Variants in ADIPOR2 observed in about 807,000 individuals in gnomAD.
ADIPOR2 encodes the protein adiponectin receptor protein 2.
A neutral mutation model predicts 40.9 loss-of-function variants in ADIPOR2; 18 were observed. The observed-to-expected ratio is 0.44, with a 90% CI of 0.30 to 0.65. The LOEUF is 0.65. Among genes scored for constraint, ADIPOR2 ranks in the 30% least tolerant of loss-of-function variants. ADIPOR2 has a pLI of 0.09. For missense variants in ADIPOR2, 283 were observed against 479.2 expected (o/e 0.59, Z 3.82); for synonymous variants, 165 against 166.4 (o/e 0.99, Z 0.06).
At chr12:1,722,620 A>G (rs2094700027) in intron 1 of ADIPOR2, among the ~76,000 whole-genome samples, 1 of 152,232 alleles carries the variant, frequency 6.6e-6, no homozygotes, top group African/African-American at 2.4e-5. Context: ...ATAGACTCCT[A>G]AGAAATTTTC....
chr12:1,750,874 T>C (rs2094767653), intron 1 of ADIPOR2, among the ~76,000 whole-genome samples: 1 of 152,182 alleles, frequency 6.6e-6, no homozygotes, highest in African/African-American at 2.4e-5. Flanking sequence ...AGTCATATAA[T>C]CTGCAAATAG....
chr12:1,710,792 G>T (rs544178418), intron 1 of ADIPOR2, among the ~76,000 whole-genome samples: 1 of 152,096 alleles, frequency 6.6e-6, no homozygotes, highest in South Asian at 2.1e-4. Flanking sequence ...TCAGTGGGTC[G>T]GTCCAGGGGT....
At chr12:1,752,004 T>A (rs1592611449) in intron 1 of ADIPOR2, among the ~76,000 whole-genome samples, 1 of 147,366 alleles carries the variant, frequency 6.8e-6, no homozygotes. Context: ...GCCTCCCGGG[T>A]TCGAGCAATT....
intron 6 of ADIPOR2, 142 bp downstream of exon 6, chr12:1,781,218 G>C (rs760152465): frequency 8.3e-6 from 8 of 960,136 alleles, no homozygotes; most frequent in Non-Finnish European, 8.7e-6. Context: ...CCTATTGTTG[G>C]GGGTTTTTTT....
chr12:1,763,768 C>T (rs1862317688), intron 2 of ADIPOR2, among the ~76,000 whole-genome samples: 3 of 152,098 alleles, frequency 2.0e-5, no homozygotes, highest in Admixed American at 6.5e-5. Flanking sequence ...CGCTTGAGCC[C>T]GGGAGTTTGA....
intron 2 of ADIPOR2, among the ~76,000 whole-genome samples, chr12:1,762,334 A>T (rs1862288145): frequency 6.6e-6 from 1 of 152,134 alleles, no homozygotes; most frequent in Non-Finnish European, 1.5e-5. Flanking sequence ...CATATTTTAT[A>T]AAAATTTATA....
intron 3 of ADIPOR2, among the ~76,000 whole-genome samples, chr12:1,777,034 T>C (rs1034833417): frequency 1.8e-4 from 27 of 152,228 alleles, no homozygotes; most frequent in Non-Finnish European, 3.1e-4. Flanking sequence ...CCTGTGCTCT[T>C]TCTTTTCTGC....
At chr12:1,699,308 A>G (rs1447104602) in intron 1 of ADIPOR2, among the ~76,000 whole-genome samples, 1 of 152,158 alleles carries the variant, frequency 6.6e-6, no homozygotes, top group Non-Finnish European at 1.5e-5. Context: ...TCAAATTGTG[A>G]AATACAAACT....
intron 1 of ADIPOR2, among the ~76,000 whole-genome samples, chr12:1,750,405 A>T (rs2094766570): frequency 3.0e-5 from 1 of 33,640 alleles, no homozygotes; most frequent in African/African-American, 2.0e-4. Context: ...CAAGAAATTA[A>T]AAAAAAAAAA....
intron 1 of ADIPOR2, among the ~76,000 whole-genome samples, chr12:1,729,659 A>C (rs1414044268): frequency 1.9e-5 from 1 of 52,144 alleles, no homozygotes. Flanking sequence ...TTTTTTTGAT[A>C]ACTTCTAATT....
rs190647794 is a variant in ADIPOR2, at chr12:1,709,885, A to G, written c.-87+18694A>G. The stretch of plus-strand genomic sequence containing the variant: ...TTTTGTTTGTGTATACCGTCAGATG[A>G]TTTACCATTTCCTAGCCAAACCTGA... On this transcript the variant is annotated intron_variant, in intron 1 of 7. Coordinates refer to ENST00000357103, the MANE Select transcript of ADIPOR2 (RefSeq NM_024551.3). Among the ~76,000 whole-genome samples, 83 of 152,216 alleles carry G rather than the reference A, an allele frequency of 5.5e-4. 1 individual carries two copies. Among genetic ancestry groups the G allele is most frequent in the Non-Finnish European group, 1.1e-3 (72 of 68,034 alleles).
intron 1 of ADIPOR2, among the ~76,000 whole-genome samples, chr12:1,692,440 A>G (rs988854464): frequency 3.9e-5 from 6 of 152,190 alleles, no homozygotes; most frequent in Admixed American, 2.6e-4. Flanking sequence ...ATTTCCACAC[A>G]TGTGGCAGCT....
chr12:1,740,470 A>G (rs2094740322), intron 1 of ADIPOR2, among the ~76,000 whole-genome samples: 1 of 151,722 alleles, frequency 6.6e-6, no homozygotes, highest in Non-Finnish European at 1.5e-5. Flanking sequence ...CTCTTCTTAC[A>G]AGGACATCAG....
At chr12:1,757,698 C>A in intron 2 of ADIPOR2, 2 of 1,316,674 alleles carry the variant, frequency 1.5e-6, no homozygotes, top group South Asian at 2.4e-5. Context: ...CAAAGCGACC[C>A]TTGGTGTCAT....
At chr12:1,703,477 T>G (rs2154441472) in intron 1 of ADIPOR2, among the ~76,000 whole-genome samples, 1 of 152,264 alleles carries the variant, frequency 6.6e-6, no homozygotes, top group African/African-American at 2.4e-5. Flanking sequence ...GGCTCATGGC[T>G]GTAATCTCAG....
intron 1 of ADIPOR2, among the ~76,000 whole-genome samples, chr12:1,700,640 T>TA (rs2094648215): frequency 1.3e-5 from 2 of 152,164 alleles, no homozygotes; most frequent in South Asian, 4.2e-4. Flanking sequence ...GCAGCGAGGG[T>TA]AAAAATGGAA....
chr12:1,701,181 G>T (rs2094649571), intron 1 of ADIPOR2, among the ~76,000 whole-genome samples: 1 of 147,814 alleles, frequency 6.8e-6, no homozygotes, highest in Non-Finnish European at 1.5e-5. Context: ...CCAGGCTAGA[G>T]TACAGGGGTA....
chr12:1,765,439 A>C (rs1455667188), intron 2 of ADIPOR2, among the ~76,000 whole-genome samples: 1 of 152,198 alleles, frequency 6.6e-6, no homozygotes, highest in East Asian at 1.9e-4. Context: ...TGTTTGATCT[A>C]GATTTCCACT....
chr12:1,739,842 A>G (rs1592601635), intron 1 of ADIPOR2, among the ~76,000 whole-genome samples: 1 of 152,326 alleles, frequency 6.6e-6, no homozygotes, highest in Non-Finnish European at 1.5e-5. Flanking sequence ...GGCTCACGCC[A>G]GTAATCCCAG....
Sources: gnomAD v4.1 joint callset for allele counts (sites outside exome capture counted in the v4.1 genomes callset) on GRCh38, gnomAD v4.1.1 for gene constraint, MANE v1.5 for transcripts, NCBI Gene and HGNC (gene_info 2026-07-23, HGNC 2026-07-21) for gene names.